Variants in MTHFD2L observed in about 807,000 individuals in gnomAD.
MTHFD2L encodes methylenetetrahydrofolate dehydrogenase (NADP+ dependent) 2 like.
A neutral mutation model predicts 34.9 loss-of-function variants in MTHFD2L; 29 were observed. That is an observed-to-expected ratio of 0.83 (90% CI 0.62 to 1.13). The LOEUF (loss-of-function observed/expected upper bound fraction) is 1.13. Among genes scored for constraint, MTHFD2L ranks in the 50% most tolerant of loss-of-function variants. The pLI, the probability that MTHFD2L is intolerant of heterozygous loss-of-function variation, is 0.00. For synonymous variants in MTHFD2L, 167 were observed against 155.7 expected, an observed-to-expected ratio of 1.07 and a Z score of -0.54; for missense variants, 481 against 446.5, an observed-to-expected ratio of 1.08 and a Z score of -0.70.
intron 3 of MTHFD2L, among the ~76,000 whole-genome samples, chr4:74,176,736 T>C (rs1729122871): frequency 6.6e-6 from 1 of 151,968 alleles, no homozygotes; most frequent in South Asian, 2.1e-4. Context: ...TTTAACTGAA[T>C]TGTTGTTCTG....
At chr4:74,212,775 T>C (rs1417875759) in intron 5 of MTHFD2L, among the ~76,000 whole-genome samples, 1 of 152,166 alleles carries the variant, frequency 6.6e-6, no homozygotes, top group Non-Finnish European at 1.5e-5. Flanking sequence ...CATTGATCTG[T>C]CTAATATTGA....
At chr4:74,285,024 C>G (rs148237923) in intron 7 of MTHFD2L, among the ~76,000 whole-genome samples, 9,674 of 152,068 alleles carry the variant, frequency 0.064, 716 homozygotes, top group African/African-American at 0.17. Context: ...AAAAGGATGA[C>G]TTCATGTCCT....
chr4:74,199,075 G>A (rs1308692787), intron 3 of MTHFD2L, among the ~76,000 whole-genome samples: 1 of 152,068 alleles, frequency 6.6e-6, no homozygotes, highest in Non-Finnish European at 1.5e-5. Flanking sequence ...TGTTAGGTTA[G>A]TGATAATTTA....
At chr4:74,267,428 G>A (rs1473301992) in intron 6 of MTHFD2L, 1 of 286,038 alleles carries the variant, frequency 3.5e-6, no homozygotes, top group Non-Finnish European at 4.7e-6. Flanking sequence ...TTCTTTCTTT[G>A]ACAGCATATC....
At chr4:74,125,980 C>T (rs556778781) in intron 1 of MTHFD2L, among the ~76,000 whole-genome samples, 10 of 152,266 alleles carry the variant, frequency 6.6e-5, no homozygotes, top group Non-Finnish European at 1.5e-4. Flanking sequence ...ATCATCTGAT[C>T]TGCACCACTT....
intron 5 of MTHFD2L, among the ~76,000 whole-genome samples, chr4:74,218,000 C>T (rs1192370261): frequency 6.6e-6 from 1 of 152,150 alleles, no homozygotes; most frequent in African/African-American, 2.4e-5. Flanking sequence ...CTTGACAACA[C>T]TGTAACTTCT....
chr4:74,252,648 A>T (rs947588183), intron 6 of MTHFD2L, among the ~76,000 whole-genome samples: 3 of 152,184 alleles, frequency 2.0e-5, no homozygotes, highest in African/African-American at 7.2e-5. Context: ...CTAAATAGCA[A>T]TATGAACACA....
At chr4:74,195,328 C>T (rs960944113) in intron 3 of MTHFD2L, 3 of 152,278 alleles carry the variant, frequency 2.0e-5, no homozygotes, top group Non-Finnish European at 4.4e-5. Context: ...AAAGGTATAA[C>T]TCTATTGCTG....
At position 74,281,374 on chromosome 4, in the gene MTHFD2L, A is replaced by G. The variant is rs369717819; in HGVS notation, c.806-51A>G. The stretch of plus-strand genomic sequence containing the variant: ...GTATTTTTAAAGCCTACCAAAACAG[A>G]TATGTACACCTTTGTTATGCTGAAG... On this transcript the variant is annotated intron_variant, in intron 6 of 7. Transcript: ENST00000325278. 9.0e-5 allele frequency: 141 copies of G among 1,560,308 alleles called. No individual in the cohort carries two copies. In the African/African-American group the frequency reaches 2.0e-3, roughly 22 times the overall value.
chr4:74,204,404 C>T (rs1734955332), intron 5 of MTHFD2L, among the ~76,000 whole-genome samples: 1 of 152,170 alleles, frequency 6.6e-6, no homozygotes, highest in East Asian at 1.9e-4. Context: ...TAATCTGTAG[C>T]CATTCTAACT....
intron 1 of MTHFD2L, among the ~76,000 whole-genome samples, chr4:74,149,524 CAAAT>C (rs1366278671): frequency 6.6e-6 from 1 of 152,080 alleles, no homozygotes; most frequent in African/African-American, 2.4e-5. Flanking sequence ...ATGTTAAACT[CAAAT>C]AACAAAACAA....
chr4:74,281,430 C>A lies in MTHFD2L; in HGVS notation c.811C>A (p.Pro271Thr). Reference sequence around the variant, plus strand: ...ACAACTCTTTTTGTTTTCAGGTATTCCAAAGTTGATTACGTCTGATATGGT... The same window carrying A: ...ACAACTCTTTTTGTTTTCAGGTATTACAAAGTTGATTACGTCTGATATGGT... ...ADIIIVAAGIPKLITSDMVKE... is the reference protein window; with the variant it reads ...ADIIIVAAGITKLITSDMVKE... The change falls in exon 7 of 8, where the codon CCA becomes ACA. Residue 271 changes from proline (P) to threonine (T), a missense_variant. Physicochemically the swap from Pro to Thr is conservative, Grantham distance 38 (BLOSUM62 -1). Transcript: ENST00000325278. 6.2e-7 allele frequency: 1 copy of A among 1,609,768 alleles called. No individual in the cohort carries two copies. The highest frequency in any genetic ancestry group is 8.5e-7 in the Non-Finnish European group (1 of 1,177,948).
intron 1 of MTHFD2L, among the ~76,000 whole-genome samples, chr4:74,148,606 T>C (rs935601439): frequency 2.6e-5 from 4 of 151,956 alleles, no homozygotes; most frequent in Non-Finnish European, 5.9e-5. Context: ...CTCAAGCGAT[T>C]CATCCACCTC....
chr4:74,255,122 C>T (rs1223619411), intron 6 of MTHFD2L, among the ~76,000 whole-genome samples: 10 of 97,956 alleles, frequency 1.0e-4, no homozygotes, highest in Admixed American at 6.8e-4. Flanking sequence ...GCAAAAAGAG[C>T]GAGACTCCAT....
intron 1 of MTHFD2L, among the ~76,000 whole-genome samples, chr4:74,163,444 C>A (rs1367639162): frequency 6.6e-6 from 1 of 152,136 alleles, no homozygotes; most frequent in Non-Finnish European, 1.5e-5. Context: ...AGTTTGAAAA[C>A]AATGGATATT....
chr4:74,198,641 A>C (rs1733897477), intron 3 of MTHFD2L, among the ~76,000 whole-genome samples: 2 of 152,128 alleles, frequency 1.3e-5, no homozygotes, highest in African/African-American at 4.8e-5. Context: ...TCATGTAATA[A>C]GTTAAATATG....
rs777798209 is a variant in MTHFD2L at position 74,199,786 on chromosome 4, T to C, written c.452-8T>C. The stretch of plus-strand genomic sequence containing the variant: ...TTTAAAATTAGACAAATTTTATTTA[T>C]TTTTCAGACCACGTTGATGAGCGAA... On this transcript the variant is annotated splice_polypyrimidine_tract_variant and splice_region_variant and intron_variant, in intron 3 of 7. Coordinates refer to ENST00000325278, the MANE Select transcript of MTHFD2L (RefSeq NM_001144978.3). The C allele has an allele frequency of 2.5e-6, 4 of 1,581,672 alleles. No individual in the cohort carries two copies. Among genetic ancestry groups the C allele is most frequent in the Non-Finnish European group, 3.4e-6 (4 of 1,167,026 alleles).
chr4:74,228,869 G>A (rs1269295277), intron 6 of MTHFD2L, among the ~76,000 whole-genome samples: 1 of 152,180 alleles, frequency 6.6e-6, no homozygotes, highest in Non-Finnish European at 1.5e-5. Context: ...CAAGCATCCC[G>A]CTGAGGGTAT....
chr4:74,214,610 G>C (rs1265620015), intron 5 of MTHFD2L, among the ~76,000 whole-genome samples: 1 of 151,778 alleles, frequency 6.6e-6, no homozygotes, highest in African/African-American at 2.4e-5. Context: ...CCCGCCAGAT[G>C]CCAGCCACAG....
Sources: allele counts gnomAD v4.1 joint callset (sites outside exome capture counted in the v4.1 genomes callset), GRCh38; gene constraint gnomAD v4.1.1; transcripts MANE v1.5; gene names NCBI Gene and HGNC (gene_info 2026-07-23, HGNC 2026-07-21).